The following ZFAT variants were observed in gnomAD, a reference collection of about 807,000 sequenced individuals.
The protein encoded by ZFAT is zinc finger and AT-hook domain containing.
Under a neutral mutation model 117.7 loss-of-function variants are expected in ZFAT, and 64 were observed. The ratio of observed to expected loss-of-function variants is 0.54; its 90% confidence interval spans 0.44 to 0.67. The LOEUF is 0.67. Among genes scored for constraint, ZFAT ranks in the 30% least tolerant of loss-of-function variants. The probability of loss-of-function intolerance (pLI) is 0.00; values close to 1 mark genes in which losing one functional copy is unlikely to be tolerated. For missense variants in ZFAT, 1,433 were observed against 1,584.5 expected (o/e 0.90, Z 1.62); for synonymous variants, 679 against 615.0 (o/e 1.10, Z -1.54).
Position 134,601,905 on chromosome 8 carries a change from G to A in ZFAT, c.1814C>T (p.Ser605Phe). The change falls in exon 6 of 16, where the codon TCC becomes TTC. Residue 605 changes from serine to phenylalanine, a missense_variant. By Grantham distance (155) the Ser-to-Phe change is radical. Around this residue, in one of 5 missense-constraint regions of ZFAT, gnomAD observed 372 missense variants for 355.6 expected, o/e 1.05. Transcript: ENST00000377838. ...DDFLLKNDTSSAEAHAAPEKP... is the reference protein window; with the variant it reads ...DDFLLKNDTSFAEAHAAPEKP... ...CTCAGGAGCAGCATGAGCCTCTGCGGAGGAGGTATCATTTTTCAACAAAAA... is the reference window on the plus strand; with the variant it reads ...CTCAGGAGCAGCATGAGCCTCTGCGAAGGAGGTATCATTTTTCAACAAAAA... 6.2e-7 allele frequency: 1 copy of A among 1,614,066 alleles called. No individual in the cohort carries two copies. Among genetic ancestry groups the A allele is most frequent in the Admixed American group, 1.7e-5 (1 of 60,016 alleles).
At chr8:134,635,030 C>T (rs1037915552) in intron 3 of ZFAT, among the ~76,000 whole-genome samples, 2 of 152,160 alleles carry the variant, frequency 1.3e-5, no homozygotes, top group Non-Finnish European at 2.9e-5. Context: ...CTATGAGAAG[C>T]GAGTGTCGCA....
chr8:134,698,948 T>C (rs1833943813), intron 1 of ZFAT, among the ~76,000 whole-genome samples: 1 of 152,264 alleles, frequency 6.6e-6, no homozygotes, highest in Non-Finnish European at 1.5e-5. Flanking sequence ...AGAATGTTTT[T>C]CTTGATTACT....
intron 15 of ZFAT, among the ~76,000 whole-genome samples, chr8:134,506,924 G>C (rs1241927899): frequency 6.6e-6 from 1 of 152,194 alleles, no homozygotes; most frequent in African/African-American, 2.4e-5. Flanking sequence ...AGGAATTCTT[G>C]CTTTTTTCTC....
intron 1 of ZFAT, among the ~76,000 whole-genome samples, chr8:134,676,999 G>A (rs895700777): frequency 1.3e-5 from 2 of 152,162 alleles, no homozygotes; most frequent in African/African-American, 2.4e-5. Flanking sequence ...AAGTAGGAGA[G>A]ATCTAAAATT....
At chr8:134,595,772 C>A (rs1377736785) in intron 7 of ZFAT, among the ~76,000 whole-genome samples, 2 of 152,180 alleles carry the variant, frequency 1.3e-5, no homozygotes, top group Non-Finnish European at 2.9e-5. Flanking sequence ...GTTAAAGGTA[C>A]ACATTCTTTC....
At chr8:134,706,277 C>T (rs1312849139) in intron 1 of ZFAT, among the ~76,000 whole-genome samples, 3 of 152,148 alleles carry the variant, frequency 2.0e-5, no homozygotes, top group South Asian at 4.1e-4. Flanking sequence ...GCTGTATCCA[C>T]GCAACAGAAA....
chr8:134,633,494 A>G (rs1830020238), intron 3 of ZFAT, among the ~76,000 whole-genome samples: 1 of 152,220 alleles, frequency 6.6e-6, no homozygotes, highest in Non-Finnish European at 1.5e-5. Flanking sequence ...ACAATTCTAA[A>G]TGCCCATCAA....
chr8:134,500,317 C>T (rs963973762), intron 15 of ZFAT, among the ~76,000 whole-genome samples: 4 of 152,168 alleles, frequency 2.6e-5, no homozygotes, highest in African/African-American at 9.7e-5. Context: ...ATAGCACCAA[C>T]CAAGGCTGTA....
intron 10 of ZFAT, among the ~76,000 whole-genome samples, chr8:134,565,872 A>G: frequency 6.6e-6 from 1 of 152,160 alleles, no homozygotes; most frequent in East Asian, 1.9e-4. Flanking sequence ...GTCTGCAGAA[A>G]TTCAAGAGCT....
chr8:134,796,129 T>G, the ZFAT span: 1 of 152,242 alleles, frequency 6.6e-6, no homozygotes, highest in Admixed American at 6.5e-5. Flanking sequence ...TTTCTGGCAG[T>G]TCATGTGTAT....
upstream of ZFAT, among the ~76,000 whole-genome samples, chr8:134,717,707 C>T (rs1008055789): frequency 5.3e-5 from 8 of 151,110 alleles, no homozygotes; most frequent in African/African-American, 1.9e-4. Flanking sequence ...AGGATGGTCT[C>T]CATCTCCTGA....
chr8:134,587,350 C>T (rs1056711585), intron 9 of ZFAT, among the ~76,000 whole-genome samples: 7 of 152,286 alleles, frequency 4.6e-5, no homozygotes, highest in Admixed American at 2.6e-4. Context: ...CTGCCTTCTC[C>T]GGGTTCCCAA....
chr8:134,626,486 C>A (rs1829521455), intron 3 of ZFAT, among the ~76,000 whole-genome samples: 1 of 152,252 alleles, frequency 6.6e-6, no homozygotes, highest in East Asian at 1.9e-4. Context: ...AGAGCAGAGA[C>A]ACAGTGCCCC....
chr8:134,775,974 C>T, the ZFAT span, among the ~76,000 whole-genome samples: 1 of 152,204 alleles, frequency 6.6e-6, no homozygotes, highest in African/African-American at 2.4e-5. Context: ...AAAGGAAATA[C>T]TGGATTTTAC....
intron 1 of ZFAT, among the ~76,000 whole-genome samples, chr8:134,684,375 T>C (rs1460613945): frequency 6.6e-6 from 1 of 152,206 alleles, no homozygotes; most frequent in Non-Finnish European, 1.5e-5. Context: ...AATAAAGCGA[T>C]AGCAAGTGAC....
chr8:134,782,472 G>A, the ZFAT span, among the ~76,000 whole-genome samples: 1 of 152,154 alleles, frequency 6.6e-6, no homozygotes, highest in African/African-American at 2.4e-5. Context: ...ACTTTCCATA[G>A]TTCTAAGCTA....
At chr8:134,644,467 T>C (rs1004008599) in intron 2 of ZFAT, among the ~76,000 whole-genome samples, 3 of 151,848 alleles carry the variant, frequency 2.0e-5, no homozygotes, top group African/African-American at 7.3e-5. Flanking sequence ...CACACCCATA[T>C]ACAAAATCAT....
At chr8:134,508,595 C>A (rs1554634320) in intron 15 of ZFAT, among the ~76,000 whole-genome samples, 1 of 152,210 alleles carries the variant, frequency 6.6e-6, no homozygotes, top group Non-Finnish European at 1.5e-5. Flanking sequence ...CTGGACCCCA[C>A]TCCTCTCCCA....
intron 1 of ZFAT, among the ~76,000 whole-genome samples, chr8:134,676,088 A>G (rs1483838012): frequency 6.6e-6 from 1 of 152,174 alleles, no homozygotes; most frequent in East Asian, 1.9e-4. Flanking sequence ...AAATTCACAC[A>G]TAACAATATC....
Sources: gnomAD v4.1 joint callset for allele counts (sites outside exome capture counted in the v4.1 genomes callset) on GRCh38, gnomAD v4.1.1 for gene constraint, gnomAD v4.1.1 regional missense constraint, MANE v1.5 for transcripts, NCBI Gene and HGNC (gene_info 2026-07-23, HGNC 2026-07-21) for gene names.